Variants in NRCAM observed in about 807,000 individuals in gnomAD.
NRCAM encodes neuronal cell adhesion molecule, also known as NgCAM-related cell adhesion molecule.
In NRCAM, 83 loss-of-function variants were observed where a neutral mutation model predicts 156.5. That is an observed-to-expected ratio of 0.53 (90% CI 0.44 to 0.64). The LOEUF (loss-of-function observed/expected upper bound fraction) is 0.64. Among genes scored for constraint, NRCAM ranks in the 30% least tolerant of loss-of-function variants. The probability of loss-of-function intolerance (pLI) is 0.00; values close to 1 mark genes in which losing one functional copy is unlikely to be tolerated. For missense variants in NRCAM, 1,417 were observed against 1,597.3 expected (o/e 0.89, Z 1.92); for synonymous variants, 538 against 563.9 (o/e 0.95, Z 0.65).
chr7:108,415,425 G>A (rs937329309), intron 1 of NRCAM, among the ~76,000 whole-genome samples: 5 of 152,214 alleles, frequency 3.3e-5, no homozygotes, highest in African/African-American at 9.6e-5. Flanking sequence ...GCAAACTTGG[G>A]AGGGAGGACA....
intron 2 of NRCAM, among the ~76,000 whole-genome samples, chr7:108,386,080 A>T (rs997222841): frequency 6.6e-6 from 1 of 152,126 alleles, no homozygotes; most frequent in African/African-American, 2.4e-5. Flanking sequence ...CTGTAATGTG[A>T]TAAGTATATA....
intron 1 of NRCAM, among the ~76,000 whole-genome samples, chr7:108,439,963 T>C (rs902592208): frequency 6.6e-6 from 1 of 151,732 alleles, no homozygotes; most frequent in African/African-American, 2.4e-5. Context: ...AGTTTGGTAA[T>C]GTCTTAAATC....
chr7:108,449,531 T>C (rs1488577624), intron 1 of NRCAM, among the ~76,000 whole-genome samples: 1 of 152,202 alleles, frequency 6.6e-6, no homozygotes, highest in Non-Finnish European at 1.5e-5. Context: ...CAAGCCATCC[T>C]TCCTCAAAGA....
intron 11 of NRCAM, among the ~76,000 whole-genome samples, chr7:108,213,409 T>G (rs566545744): frequency 5.9e-5 from 9 of 152,122 alleles, no homozygotes; most frequent in Non-Finnish European, 1.0e-4. Flanking sequence ...TGCAAGGGTA[T>G]CTCACATCTC....
At chr7:108,219,201 ATCAAAATAG>A (rs1249037013) in intron 11 of NRCAM, among the ~76,000 whole-genome samples, 12 of 151,944 alleles carry the variant, frequency 7.9e-5, no homozygotes, top group Non-Finnish European at 1.3e-4. Flanking sequence ...AAGCAGCAAG[ATCAAAATAG>A]TAATTAAAAA....
chr7:108,299,105 C>CAAAAAAAAAAAA (rs1292917918), intron 3 of NRCAM, among the ~76,000 whole-genome samples: 13 of 16,946 alleles, frequency 7.7e-4, no homozygotes, highest in African/African-American at 8.8e-4. Flanking sequence ...GACTCCATCT[C>CAAAAAAAAAAAA]AAAAAAAAAA....
intron 3 of NRCAM, among the ~76,000 whole-genome samples, chr7:108,270,600 G>A (rs565290305): frequency 5.3e-5 from 8 of 152,098 alleles, no homozygotes; most frequent in South Asian, 2.1e-4. Flanking sequence ...CCATAGCAAC[G>A]ACATTATTCA....
At chr7:108,217,529 T>TC (rs986293701) in intron 11 of NRCAM, among the ~76,000 whole-genome samples, 52 of 152,314 alleles carry the variant, frequency 3.4e-4, no homozygotes, top group African/African-American at 1.1e-3. Context: ...AGCTGCCCCT[T>TC]CCCCCAGGTG....
chr7:108,299,842 C>G (rs116946175), intron 3 of NRCAM, among the ~76,000 whole-genome samples: 2 of 152,284 alleles, frequency 1.3e-5, no homozygotes, highest in East Asian at 3.9e-4. Context: ...TACATGAACT[C>G]TGGAATTAGA....
chr7:108,402,735 CA>C (rs1217889851), intron 1 of NRCAM, among the ~76,000 whole-genome samples: 1 of 152,170 alleles, frequency 6.6e-6, no homozygotes, highest in Non-Finnish European at 1.5e-5. Flanking sequence ...TTCAGAAAAA[CA>C]AGGATAAGCT....
chr7:108,303,195 C>G (rs1218908129), intron 3 of NRCAM, among the ~76,000 whole-genome samples: 2 of 152,130 alleles, frequency 1.3e-5, no homozygotes, highest in African/African-American at 2.4e-5. Flanking sequence ...CTCCTGACCT[C>G]AAGTGATGCA....
intron 2 of NRCAM, among the ~76,000 whole-genome samples, chr7:108,375,426 T>C (rs1402470815): frequency 1.3e-5 from 2 of 152,104 alleles, no homozygotes; most frequent in Admixed American, 6.6e-5. Context: ...GTGATGGATG[T>C]AAGTGAAAGG....
chr7:108,449,157 A>C (rs573673499), intron 1 of NRCAM, among the ~76,000 whole-genome samples: 9 of 152,336 alleles, frequency 5.9e-5, no homozygotes, highest in African/African-American at 2.2e-4. Context: ...CTAGATGTTT[A>C]CCAAGTGCCT....
chr7:108,294,138 G>C (rs1240922051), intron 3 of NRCAM, among the ~76,000 whole-genome samples: 2 of 150,450 alleles, frequency 1.3e-5, no homozygotes, highest in Admixed American at 6.6e-5. Context: ...GAGCAGTAGG[G>C]TTGATGTGAT....
chr7:108,234,171 C>A (rs2153750442), intron 6 of NRCAM, among the ~76,000 whole-genome samples: 1 of 152,268 alleles, frequency 6.6e-6, no homozygotes, highest in Admixed American at 6.5e-5. Context: ...TTTGCCTGTG[C>A]CTTATGGCCA....
intron 3 of NRCAM, among the ~76,000 whole-genome samples, chr7:108,281,116 T>C (rs933801405): frequency 2.0e-5 from 3 of 152,122 alleles, no homozygotes; most frequent in African/African-American, 7.2e-5. Flanking sequence ...TTTGTTTCCA[T>C]TTTTAAATAT....
At chr7:108,303,896 T>C (rs1392469425) in intron 3 of NRCAM, among the ~76,000 whole-genome samples, 2 of 152,178 alleles carry the variant, frequency 1.3e-5, no homozygotes, top group Non-Finnish European at 2.9e-5. Context: ...AATATATATG[T>C]ATATTTTCAT....
At chr7:108,419,685 G>A (rs770849505) in intron 1 of NRCAM, among the ~76,000 whole-genome samples, 5 of 152,164 alleles carry the variant, frequency 3.3e-5, no homozygotes, top group East Asian at 3.8e-4. Flanking sequence ...CTCCACTTTC[G>A]TGTCCACACA....
intron 11 of NRCAM, among the ~76,000 whole-genome samples, chr7:108,219,771 T>C (rs2091427507): frequency 1.3e-5 from 2 of 152,128 alleles, no homozygotes; most frequent in East Asian, 3.8e-4. Context: ...GTTGAAAGCA[T>C]TCCCTCTGAG....
Sources: gnomAD v4.1 joint callset for allele counts (sites outside exome capture counted in the v4.1 genomes callset) on GRCh38, gnomAD v4.1.1 for gene constraint, MANE v1.5 for transcripts, NCBI Gene and HGNC (gene_info 2026-07-23, HGNC 2026-07-21) for gene names.